Variants in ITGA9 observed in about 807,000 individuals in gnomAD.
ITGA9 encodes the protein integrin alpha-9.
ITGA9 carries 56 observed loss-of-function variants against 127.8 expected under a neutral mutation model. The observed-to-expected ratio is 0.44, with a 90% CI of 0.35 to 0.55. The LOEUF (loss-of-function observed/expected upper bound fraction) is 0.55, where lower values mean the gene tolerates loss of function less well. Among genes scored for constraint, ITGA9 ranks in the 20% least tolerant of loss-of-function variants. The pLI, the probability that ITGA9 is intolerant of heterozygous loss-of-function variation, is 0.00. For missense variants in ITGA9, 1,196 were observed against 1,347.1 expected (o/e 0.89, Z 1.76); for synonymous variants, 508 against 514.5 (o/e 0.99, Z 0.17).
chr3:37,627,771 T>TA (rs1238718083), intron 15 of ITGA9, among the ~76,000 whole-genome samples: 1 of 151,966 alleles, frequency 6.6e-6, no homozygotes, highest in Non-Finnish European at 1.5e-5. Context: ...GGCATCCATA[T>TA]AGTGACATGC....
intron 15 of ITGA9, among the ~76,000 whole-genome samples, chr3:37,576,060 G>A (rs1575155466): frequency 1.3e-5 from 2 of 152,346 alleles, no homozygotes; most frequent in East Asian, 3.9e-4. Context: ...CTGGCCAGCA[G>A]CCTGGAGCCA....
rs1202058955 is a variant in ITGA9, at chr3:37,512,073, T to TTTCC, written c.898-1646_898-1643dup. On this transcript the variant is annotated intron_variant, in intron 8 of 27. Coordinates refer to ENST00000264741, the MANE Select transcript of ITGA9 (RefSeq NM_002207.3). Reference sequence around the variant, plus strand: ...CTTTCTTTCTTTCTTTCTTTCTTTCTTTCCTTCCTTCCTTCCTTCCTTCCT... The same window carrying TTTCC: ...CTTTCTTTCTTTCTTTCTTTCTTTCTTTCCTTCCTTCCTTCCTTCCTTCCTTCCT... 2.2e-3 allele frequency among the ~76,000 whole-genome samples: 87 copies of TTTCC among 39,196 alleles called. 1 individual carries two copies. Among genetic ancestry groups the TTTCC allele is most frequent in the Middle Eastern group, 8.6e-3 (1 of 116 alleles). 25.7% of individuals were successfully genotyped at this position (39,196 alleles called of 152,430 possible). A position where few individuals can be genotyped will look rare whatever the true frequency, so the allele number is the denominator to read the frequency against.
chr3:37,676,493 T>C (rs983921862), intron 17 of ITGA9, among the ~76,000 whole-genome samples: 3 of 152,182 alleles, frequency 2.0e-5, no homozygotes, highest in Non-Finnish European at 4.4e-5. Flanking sequence ...GTCAGAGGCT[T>C]AATTCTTAGG....
intron 15 of ITGA9, among the ~76,000 whole-genome samples, chr3:37,547,298 G>A (rs1279712088): frequency 6.6e-6 from 1 of 152,170 alleles, no homozygotes; most frequent in Admixed American, 6.5e-5. Context: ...ATTTTTCAAG[G>A]AACTTTGAAA....
At position 37,507,699 on chromosome 3, in the gene ITGA9, T is replaced by G. The variant is rs960484934; in HGVS notation, c.829-860T>G. ...TCATAGTGACAAAGTTGCTGACAAT[T>G]CCACATTCCCAGGGATTGGGGCTAG... On this transcript the variant is annotated intron_variant, in intron 7 of 27. Transcript: ENST00000264741. 8.5e-5 allele frequency among the ~76,000 whole-genome samples: 13 copies of G among 152,130 alleles called. No homozygotes were observed. In the South Asian group the frequency reaches 1.0e-3, roughly 12 times the overall value.
At chr3:37,719,585 T>C (rs1575207363) in intron 18 of ITGA9, among the ~76,000 whole-genome samples, 1 of 152,092 alleles carries the variant, frequency 6.6e-6, no homozygotes, top group African/African-American at 2.4e-5. Context: ...CCTATGACAG[T>C]TCGCCATAGG....
intron 17 of ITGA9, among the ~76,000 whole-genome samples, chr3:37,682,355 T>G (rs1254052881): frequency 6.6e-6 from 1 of 152,224 alleles, no homozygotes; most frequent in Admixed American, 6.5e-5. Context: ...ATTATTCCCA[T>G]TGTTCTGGCC....
rs897272025 is a variant in ITGA9, at chr3:37,519,323, A to C, written c.1205A>C (p.Asp402Ala). 3.1e-6 allele frequency: 5 copies of C among 1,614,116 alleles called. No individual in the cohort carries two copies. The Admixed American group carries it at 8.3e-5, about 27-fold the overall frequency. The part of the protein sequence containing the change: ...FAGAVYIYHG[D>A]AGGIVPQYSM... ...GGGGCGGTCTATATCTATCATGGTG[A>C]TGCCGGTGGGATAGTCCCTCAGTAC... is the stretch of plus-strand genomic sequence containing the variant. Residue 402 changes from aspartate (D) to alanine (A), a missense_variant, in exon 11 of 28, where the codon GAT (aspartate) becomes GCT (alanine). Asp to Ala is a moderately radical substitution (Grantham distance 126). Transcript: ENST00000264741.
At chr3:37,613,105 C>T (rs902291729) in intron 15 of ITGA9, among the ~76,000 whole-genome samples, 1 of 151,476 alleles carries the variant, frequency 6.6e-6, no homozygotes, top group Non-Finnish European at 1.5e-5. Flanking sequence ...TAATGCTATC[C>T]CTCCCCCAGC....
At chr3:37,715,198 A>G (rs1208316133) in intron 18 of ITGA9, among the ~76,000 whole-genome samples, 1 of 152,178 alleles carries the variant, frequency 6.6e-6, no homozygotes, top group African/African-American at 2.4e-5. Flanking sequence ...TAGGTGACAG[A>G]GCAAAGAAAA....
intron 13 of ITGA9, among the ~76,000 whole-genome samples, chr3:37,529,150 T>C (rs1355244449): frequency 6.6e-6 from 1 of 152,230 alleles, no homozygotes; most frequent in Non-Finnish European, 1.5e-5. Flanking sequence ...CATCCTCTTG[T>C]TGACAGAACA....
chr3:37,571,204 C>T (rs1699598843), intron 15 of ITGA9, among the ~76,000 whole-genome samples: 2 of 146,296 alleles, frequency 1.4e-5, no homozygotes, highest in Non-Finnish European at 3.1e-5. Context: ...GGGAGATCTA[C>T]TGGAGGCAGC....
intron 1 of ITGA9, among the ~76,000 whole-genome samples, chr3:37,458,696 G>T (rs1698285922): frequency 6.6e-6 from 1 of 152,208 alleles, no homozygotes. Context: ...GTGCTCCTTG[G>T]CCTGCAGTGT....
In ITGA9 at chr3:37,629,888, A is replaced by G. The variant is rs2000494; in HGVS notation, c.1839+552A>G. On this transcript the variant is annotated intron_variant, in intron 16 of 27. Coordinates refer to ENST00000264741, the MANE Select transcript of ITGA9 (RefSeq NM_002207.3). The surrounding 1 kb of genome is among the most constrained non-coding windows in gnomAD (Gnocchi z 4.5). ...TGCGATGGGTGTATCACTCGTATGAAGTAGGAGTGAGCCTGTGCCTGATTT... is the reference window on the plus strand; with the variant it reads ...TGCGATGGGTGTATCACTCGTATGAGGTAGGAGTGAGCCTGTGCCTGATTT... Among the ~76,000 whole-genome samples, 29,276 of 152,160 alleles carry G rather than the reference A, an allele frequency of 0.19. 2,809 individuals carry two copies. Among genetic ancestry groups the G allele is most frequent in the East Asian group, 0.23 (1,199 of 5,168 alleles).
chr3:37,454,434 GC>G (rs1236554381), intron 1 of ITGA9, among the ~76,000 whole-genome samples: 14 of 152,240 alleles, frequency 9.2e-5, no homozygotes, highest in African/African-American at 3.4e-4. Context: ...CTGGCCTTCA[GC>G]TTGGTACCCA....
intron 23 of ITGA9, among the ~76,000 whole-genome samples, chr3:37,763,397 C>A (rs1159684652): frequency 6.6e-6 from 1 of 152,146 alleles, no homozygotes; most frequent in Non-Finnish European, 1.5e-5. Context: ...TCTGAGAATT[C>A]TCTCCCCCTT....
chr3:37,793,487 T>C (rs1033868802), intron 26 of ITGA9, among the ~76,000 whole-genome samples: 6 of 148,990 alleles, frequency 4.0e-5, no homozygotes, highest in Non-Finnish European at 8.9e-5. Context: ...GTGCCCAGAG[T>C]ATCTGTGCTG....
At chr3:37,512,205 TTTTC>T (rs200530082) in intron 8 of ITGA9, among the ~76,000 whole-genome samples, 5,434 of 79,248 alleles carry the variant, frequency 0.069, 601 homozygotes, top group Middle Eastern at 0.13. Flanking sequence ...TTTTCTTTTC[TTTTC>T]TTTCTTTCTT....
At chr3:37,708,476 C>A (rs1283314680) in intron 18 of ITGA9, among the ~76,000 whole-genome samples, 1 of 152,166 alleles carries the variant, frequency 6.6e-6, no homozygotes, top group African/African-American at 2.4e-5. Context: ...GGCGTTTTTG[C>A]AAACTATCTA....
Sources: allele counts gnomAD v4.1 joint callset (sites outside exome capture counted in the v4.1 genomes callset), GRCh38; gene constraint gnomAD v4.1.1; non-coding constraint Gnocchi (gnomAD v3.1); transcripts MANE v1.5; gene names NCBI Gene and HGNC (gene_info 2026-07-23, HGNC 2026-07-21).